The following DUSP22 variants were observed in gnomAD, a reference collection of about 807,000 sequenced individuals.
DUSP22 encodes the protein dual specificity protein phosphatase 22.
Under a neutral mutation model 24.5 loss-of-function variants are expected in DUSP22, and 24 were observed. The ratio of observed to expected loss-of-function variants is 0.98; its 90% confidence interval spans 0.71 to 1.38. The LOEUF is 1.38. Ranked by LOEUF, DUSP22 falls within the 40% of genes most tolerant of loss-of-function variation. The pLI is 0.00. For missense variants in DUSP22, 330 were observed against 269.2 expected (o/e 1.23, Z -1.58); for synonymous variants, 160 against 106.4 (o/e 1.50, Z -3.10).
intron 6 of DUSP22, 45 bp downstream of exon 6, chr6:348,319 T>C (rs1581196873): frequency 6.2e-7 from 1 of 1,610,536 alleles, no homozygotes; most frequent in Non-Finnish European, 8.5e-7. Context: ...CAGGTGCCCC[T>C]GAACGGTGCC....
At chr6:334,767 A>T (rs1759288246) in intron 3 of DUSP22, among the ~76,000 whole-genome samples, 1 of 152,306 alleles carries the variant, frequency 6.6e-6, no homozygotes, top group Non-Finnish European at 1.5e-5. Flanking sequence ...TGAAATATAT[A>T]AAAAATTTGG....
At chr6:347,545 C>T (rs1236691902) in intron 5 of DUSP22, among the ~76,000 whole-genome samples, 1 of 152,308 alleles carries the variant, frequency 6.6e-6, no homozygotes, top group African/African-American at 2.4e-5. Context: ...CTTGCTCCCA[C>T]CCTGCGGACA....
At chr6:322,893 G>T (rs1390938737) in intron 3 of DUSP22, among the ~76,000 whole-genome samples, 1 of 152,272 alleles carries the variant, frequency 6.6e-6, no homozygotes, top group Admixed American at 6.5e-5. Context: ...AAGGGGGTAG[G>T]TTGGTTAAGA....
rs539722902 is a variant in DUSP22 at position 347,608 on chromosome 6, A to G, written c.264-495A>G. Among the ~76,000 whole-genome samples, 12 of 152,408 alleles carry G rather than the reference A, an allele frequency of 7.9e-5. No homozygotes were observed. The South Asian group carries it at 1.9e-3, about 24-fold the overall frequency. On this transcript the variant is annotated intron_variant, in intron 5 of 6. Transcript: ENST00000419235. ...TTTATGTCAGGAAGAGTACAAAAGT[A>G]AGATTGGGTAAGGGCTTCTCTACAT...
intron 3 of DUSP22, among the ~76,000 whole-genome samples, chr6:319,766 C>T (rs1304199118): frequency 1.3e-5 from 2 of 152,300 alleles, no homozygotes; most frequent in South Asian, 2.1e-4. Context: ...TTCCAGCACA[C>T]CTCAGTTGTT....
chr6:345,080 C>A (rs902093282), intron 4 of DUSP22, among the ~76,000 whole-genome samples: 1 of 152,310 alleles, frequency 6.6e-6, no homozygotes, highest in Admixed American at 6.5e-5. Flanking sequence ...AGACAACCCA[C>A]AGCCTTCCCT....
At chr6:298,060 T>C (rs1411922605) in intron 1 of DUSP22, among the ~76,000 whole-genome samples, 1 of 152,304 alleles carries the variant, frequency 6.6e-6, no homozygotes, top group Non-Finnish European at 1.5e-5. Flanking sequence ...GCTGCAGGAC[T>C]GACAGACAGA....
chr6:298,344 C>G (rs1385496618), intron 1 of DUSP22, among the ~76,000 whole-genome samples: 1 of 152,308 alleles, frequency 6.6e-6, no homozygotes, highest in African/African-American at 2.4e-5. Flanking sequence ...CTTTGAAACC[C>G]AGAAAGTCCT....
chr6:307,304 C>T (rs1324753301), intron 2 of DUSP22, among the ~76,000 whole-genome samples: 1 of 152,284 alleles, frequency 6.6e-6, no homozygotes, highest in Non-Finnish European at 1.5e-5. Context: ...CTTCCCGTTT[C>T]CTTTCTTCCC....
rs1204467799 is a variant in DUSP22 at position 348,254 on chromosome 6, G to A, written c.415G>A (p.Glu139Lys). 3.7e-6 allele frequency: 6 copies of A among 1,614,298 alleles called. No individual in the cohort carries two copies. Among genetic ancestry groups the A allele is most frequent in the Non-Finnish European group, 4.2e-6 (5 of 1,180,056 alleles). Residue 139 changes from glutamate to lysine, a missense_variant, in exon 6 of 7, where the codon GAG (glutamate) becomes AAG (lysine). Glu to Lys is a moderately conservative substitution (Grantham distance 56, BLOSUM62 1). Transcript: ENST00000419235. ...CTTCCAGAGACAGCTCCAGGAGTTT[G>A]AGAAGCATGAGGTCCATCAGGTAAG... ...VGFQRQLQEF[E>K]KHEVHQYRQW...
intron 4 of DUSP22, among the ~76,000 whole-genome samples, chr6:343,507 GTTC>G (rs1759712797): frequency 2.0e-5 from 3 of 152,288 alleles, no homozygotes; most frequent in Admixed American, 2.0e-4. Flanking sequence ...ACTCTGGTCT[GTTC>G]TTATTTACAT....
At chr6:344,537 A>C (rs1759766845) in intron 4 of DUSP22, among the ~76,000 whole-genome samples, 1 of 152,298 alleles carries the variant, frequency 6.6e-6, no homozygotes, top group Non-Finnish European at 1.5e-5. Flanking sequence ...TGGTCTGCCC[A>C]CCTCAGCCTC....
chr6:347,110 A>G (rs1450971246), intron 5 of DUSP22, among the ~76,000 whole-genome samples: 3 of 152,300 alleles, frequency 2.0e-5, no homozygotes, highest in South Asian at 4.1e-4. Context: ...ATTGGAGCCA[A>G]TTAAAGCGGA....
intron 1 of DUSP22, among the ~76,000 whole-genome samples, chr6:295,857 CTT>C (rs1191929698): frequency 6.7e-6 from 1 of 150,160 alleles, no homozygotes; most frequent in African/African-American, 2.4e-5. Context: ...TTTTTTAACA[CTT>C]TATAAAATCT....
In DUSP22 at chr6:345,836, CTTTTT is replaced by C. The variant is rs756089358; in HGVS notation, c.189-15_189-11del. ...AGTAAAGTAGAGAGATGTCATTTCT[CTTTTT>C]TTCTTTTCCCAGGACAAGACATTTC... On this transcript the variant is annotated splice_polypyrimidine_tract_variant and intron_variant, in intron 4 of 6. Coordinates refer to ENST00000419235, the MANE Select transcript of DUSP22 (RefSeq NM_001286555.3). 40 of 1,613,752 alleles carry C rather than the reference CTTTTT, an allele frequency of 2.5e-5. No homozygotes were observed. In the African/African-American group the frequency reaches 5.2e-4, roughly 21 times the overall value.
chr6:317,503 T>A (rs1365520221), intron 3 of DUSP22, among the ~76,000 whole-genome samples: 1 of 152,294 alleles, frequency 6.6e-6, no homozygotes, highest in African/African-American at 2.4e-5. Flanking sequence ...CAGCCCCAGC[T>A]CTCCTTCCTC....
chr6:337,696 A>G (rs1413510743), intron 4 of DUSP22, among the ~76,000 whole-genome samples: 1 of 152,302 alleles, frequency 6.6e-6, no homozygotes, highest in African/African-American at 2.4e-5. Context: ...CTTAATGGCA[A>G]AGTCTGGACT....
intron 3 of DUSP22, among the ~76,000 whole-genome samples, chr6:315,875 C>T (rs1561658740): frequency 6.6e-6 from 1 of 152,310 alleles, no homozygotes; most frequent in Non-Finnish European, 1.5e-5. Context: ...GGTGTATGCA[C>T]AAGATACGCG....
At chr6:341,196 C>T (rs1478858409) in intron 4 of DUSP22, among the ~76,000 whole-genome samples, 1 of 152,302 alleles carries the variant, frequency 6.6e-6, no homozygotes, top group Non-Finnish European at 1.5e-5. Flanking sequence ...CCGGTCCGTG[C>T]TTCCTTGTGC....
Sources: gnomAD v4.1 joint callset for allele counts (sites outside exome capture counted in the v4.1 genomes callset) on GRCh38, gnomAD v4.1.1 for gene constraint, MANE v1.5 for transcripts, NCBI Gene and HGNC (gene_info 2026-07-23, HGNC 2026-07-21) for gene names.